C8orf34: variants seen among roughly 807,000 people sequenced by gnomAD.
C8orf34 encodes the protein chromosome 8 open reading frame 34, also known as uncharacterized protein C8orf34.
C8orf34 carries 65 observed loss-of-function variants against 68.3 expected under a neutral mutation model. The observed-to-expected ratio is 0.95, with a 90% CI of 0.78 to 1.17. The LOEUF is 1.17. Ranked by LOEUF, C8orf34 falls within the 50% of genes most tolerant of loss-of-function variation. C8orf34 has a pLI of 0.00. For missense variants in C8orf34, 664 were observed against 655.4 expected (o/e 1.01, Z -0.14); for synonymous variants, 244 against 241.2 (o/e 1.01, Z -0.11).
At chr8:68,522,908 A>G (rs187866956) in intron 6 of C8orf34, among the ~76,000 whole-genome samples, 121 of 152,318 alleles carry the variant, frequency 7.9e-4, no homozygotes, top group Non-Finnish European at 1.4e-3. Context: ...GGCATTTTCT[A>G]TGTTAAATTT....
chr8:68,698,639 G>A (rs998311028), intron 8 of C8orf34, among the ~76,000 whole-genome samples: 1 of 152,046 alleles, frequency 6.6e-6, no homozygotes, highest in African/African-American at 2.4e-5. Context: ...TTTTCAAAAG[G>A]ATGTTTTAGC....
In C8orf34 at chr8:68,538,437, T is replaced by TA. The variant is rs551360794; in HGVS notation, c.1105+5298dup. On this transcript the variant is annotated intron_variant, in intron 7 of 13. Transcript: ENST00000518698. ...CTACTCAACAGGGATGTTGAGAGGA[T>TA]AAAAAAAAAATGAGATATTTCTCTA... 3.1e-4 allele frequency among the ~76,000 whole-genome samples: 46 copies of TA among 146,180 alleles called. No homozygotes were observed. The South Asian group carries it at 4.3e-3, about 14-fold the overall frequency.
intron 10 of C8orf34, among the ~76,000 whole-genome samples, chr8:68,736,416 G>T (rs966437114): frequency 1.4e-4 from 21 of 152,038 alleles, no homozygotes; most frequent in Non-Finnish European, 2.9e-4. Context: ...TATAGAACTA[G>T]AATTCCTTTA....
At chr8:68,565,631 C>A (rs1356246213) in intron 7 of C8orf34, among the ~76,000 whole-genome samples, 4 of 144,672 alleles carry the variant, frequency 2.8e-5, no homozygotes, top group African/African-American at 1.1e-4. Flanking sequence ...TGTCGCGATG[C>A]TGAGAGTTTT....
chr8:68,545,241 AG>A (rs896032736), intron 7 of C8orf34, among the ~76,000 whole-genome samples: 1 of 152,130 alleles, frequency 6.6e-6, no homozygotes, highest in Admixed American at 6.6e-5. Flanking sequence ...TTATTTTATA[AG>A]GGGTTTCCCC....
At chr8:68,729,867 CAACTT>C (rs1280625114) in intron 10 of C8orf34, among the ~76,000 whole-genome samples, 5 of 152,142 alleles carry the variant, frequency 3.3e-5, no homozygotes, top group African/African-American at 1.2e-4. Flanking sequence ...ATTATACTCA[CAACTT>C]AACATTTTAA....
chr8:68,515,265 T>C (rs1814457820), intron 5 of C8orf34, among the ~76,000 whole-genome samples: 1 of 145,744 alleles, frequency 6.9e-6, no homozygotes, highest in Non-Finnish European at 1.5e-5. Flanking sequence ...ACTTATTTAG[T>C]TTTTTTTTTT....
chr8:68,797,768 G>A lies in C8orf34; in HGVS notation c.1549+10232G>A, dbSNP rs146699529. Among the ~76,000 whole-genome samples, 43 of 152,308 alleles carry A rather than the reference G, an allele frequency of 2.8e-4. No homozygotes were observed. The East Asian group carries it at 7.7e-3, about 27-fold the overall frequency. On this transcript the variant is annotated intron_variant, in intron 12 of 13. Transcript: ENST00000518698. ...CTGTATGGAATATAAAGGCTAAAAT[G>A]AGTTAATAGTCAATTAGGTCAGATA... is the stretch of plus-strand genomic sequence containing the variant.
chr8:68,335,801 C>A (rs576062989), intron 1 of C8orf34, among the ~76,000 whole-genome samples: 39 of 152,184 alleles, frequency 2.6e-4, no homozygotes, highest in African/African-American at 9.4e-4. Context: ...ATATTTTGGG[C>A]AGGCATGGTG....
At chr8:68,693,287 C>G (rs1456658147) in intron 8 of C8orf34, among the ~76,000 whole-genome samples, 1 of 151,988 alleles carries the variant, frequency 6.6e-6, no homozygotes, top group Non-Finnish European at 1.5e-5. Flanking sequence ...AGGAAGAATG[C>G]CTGGAAGACT....
At chr8:68,354,117 A>G (rs1231629895) in intron 1 of C8orf34, among the ~76,000 whole-genome samples, 1 of 152,002 alleles carries the variant, frequency 6.6e-6, no homozygotes, top group African/African-American at 2.4e-5. Context: ...GGTGACTTTA[A>G]TTTGTGCGCT....
At chr8:68,507,509 TG>T (rs1339404943) in intron 5 of C8orf34, among the ~76,000 whole-genome samples, 1 of 152,156 alleles carries the variant, frequency 6.6e-6, no homozygotes, top group Non-Finnish European at 1.5e-5. Context: ...CCCAGGAGTG[TG>T]GGGGTATTTC....
upstream of C8orf34, chr8:68,330,855 T>A: frequency 1.7e-6 from 1 of 590,650 alleles, no homozygotes; most frequent in Non-Finnish European, 2.7e-6. Context: ...CCGCGGCCCC[T>A]GTCCGCCCGC....
chr8:68,632,723 C>A (rs1818728790), intron 7 of C8orf34, among the ~76,000 whole-genome samples: 1 of 152,128 alleles, frequency 6.6e-6, no homozygotes, highest in Non-Finnish European at 1.5e-5. Flanking sequence ...GCATCCCAGC[C>A]ACTCCAGCTC....
chr8:68,395,357 TCTCTCACACACA>T (rs377597377), intron 1 of C8orf34, among the ~76,000 whole-genome samples: 7,165 of 137,872 alleles, frequency 0.052, 457 homozygotes, highest in African/African-American at 0.15. Flanking sequence ...TCTCTGTGTG[TCTCTCACACACA>T]CACACACACA....
At chr8:68,439,159 C>A in intron 1 of C8orf34, 1 of 164,426 alleles carries the variant, frequency 6.1e-6, no homozygotes, top group Non-Finnish European at 1.3e-5. Flanking sequence ...CTCAAAATAG[C>A]AAACTGAAGT....
chr8:68,782,916 G>A (rs1823721617), intron 11 of C8orf34, among the ~76,000 whole-genome samples: 1 of 151,218 alleles, frequency 6.6e-6, no homozygotes. Context: ...AAAAAAAAAA[G>A]AAAAAGTTAT....
chr8:68,582,618 T>C (rs924131937), intron 7 of C8orf34, among the ~76,000 whole-genome samples: 2 of 152,072 alleles, frequency 1.3e-5, no homozygotes, highest in Non-Finnish European at 2.9e-5. Flanking sequence ...CTGAGGCTGC[T>C]TCCAAGGCCC....
intron 7 of C8orf34, among the ~76,000 whole-genome samples, chr8:68,594,086 A>T (rs1053550776): frequency 6.6e-6 from 1 of 152,014 alleles, no homozygotes; most frequent in South Asian, 2.1e-4. Context: ...TAGAGTATTC[A>T]TTGGTATTTA....
Sources: allele counts gnomAD v4.1 joint callset (sites outside exome capture counted in the v4.1 genomes callset), GRCh38; gene constraint gnomAD v4.1.1; transcripts MANE v1.5; gene names NCBI Gene and HGNC (gene_info 2026-07-23, HGNC 2026-07-21).